Variants in APC2 observed in about 807,000 individuals in gnomAD.
APC2 encodes the protein APC regulator of Wnt signaling pathway 2.
APC2 carries 41 observed loss-of-function variants against 72.5 expected under a neutral mutation model. That is an observed-to-expected ratio of 0.57 (90% CI 0.44 to 0.73). The LOEUF (loss-of-function observed/expected upper bound fraction) is 0.73, where lower values mean the gene tolerates loss of function less well. Ranked by LOEUF, APC2 falls within the 30% of genes least tolerant of loss-of-function variation. APC2 has a pLI of 0.00. For missense variants in APC2, 3,729 were observed against 3,403.4 expected (o/e 1.10, Z -2.38); for synonymous variants, 1,898 against 1,612.0 (o/e 1.18, Z -4.25).
chr19:1,460,417 G>A, intron 11 of APC2, 97 bp downstream of exon 11: 1 of 1,554,076 alleles, frequency 6.4e-7, no homozygotes, highest in Non-Finnish European at 8.8e-7. Context: ...ACAGCCCTGA[G>A]AGCTGGGGCC....
chr19:1,461,400 C>T (rs2083920108), intron 13 of APC2: 1 of 556,760 alleles, frequency 1.8e-6, no homozygotes, highest in East Asian at 3.1e-5. Context: ...CATGGTCAGA[C>T]CCCATCTCTA....
chr19:1,466,663 C>T lies in APC2; in HGVS notation c.3362C>T (p.Ser1121Leu), dbSNP rs1335942683. The change falls in exon 15 of 15, where the codon TCG becomes TTG. Residue 1121 changes from serine (S) to leucine (L), a missense_variant. Physicochemically the swap from Ser to Leu is moderately radical, Grantham distance 145. Transcript: ENST00000590469. ...ACGTGGCGGGCGCCCGGGGCCACCT[C>T]GCTGCCCGTAGCCATTCCGGCTCCC... ...DSTWRAPGAT[S>L]LPVAIPAPRR... 6 of 1,497,478 alleles carry T rather than the reference C, an allele frequency of 4.0e-6. No individual in the cohort carries two copies. Among genetic ancestry groups the T allele is most frequent in the Admixed American group, 2.1e-5 (1 of 48,054 alleles). The allele number at this position is 1,497,478 out of a possible 1,614,324, so 92.8% of individuals were successfully genotyped here. A position where few individuals can be genotyped will look rare whatever the true frequency, so the allele number is the denominator to read the frequency against.
chr19:1,461,290 C>T (rs1217632620), intron 13 of APC2, 137 bp downstream of exon 13: 9 of 745,128 alleles, frequency 1.2e-5, no homozygotes, highest in South Asian at 6.5e-5. Flanking sequence ...AGCCTCAGAC[C>T]GGCTGGGGCT....
In APC2 at chr19:1,467,984, C is replaced by A. The variant is rs931804709; in HGVS notation, c.4683C>A (p.Pro1561=). Residue 1561 remains proline, a synonymous_variant, in exon 15 of 15, where the codon CCC becomes CCA. Coordinates refer to ENST00000590469, the MANE Select transcript of APC2 (RefSeq NM_005883.3). The part of the protein sequence containing the change: ...PSKAAPAAPP[P]ARTQPSLIAD... ...AGGCTGCACCAGCTGCCCCGCCGCC[C>A]GCCCGGACCCAGCCCAGCCTCATTG... The A allele has an allele frequency of 1.9e-6, 3 of 1,580,590 alleles. No homozygotes were observed. The highest frequency in any genetic ancestry group is 2.6e-6 in the Non-Finnish European group (3 of 1,172,650).
Position 1,469,594 on chromosome 19 carries a change from G to A in APC2, c.6293G>A (p.Arg2098His). ...APAARPETVKRYASLPHISVA... is the reference protein window; with the variant it reads ...APAARPETVKHYASLPHISVA... ...GCCGCCCGGCCGGAGACTGTCAAGC[G>A]CTACGCGTCGCTGCCGCACATCAGC... The change falls in exon 15 of 15, where the codon CGC (arginine) becomes CAC (histidine). Residue 2098 changes from arginine (R) to histidine (H), a missense_variant. Physicochemically the swap from Arg to His is conservative, Grantham distance 29. Transcript: ENST00000590469. The A allele has an allele frequency of 1.6e-6, 2 of 1,257,334 alleles. No individual in the cohort carries two copies. The highest frequency in any genetic ancestry group is 3.8e-5 in the South Asian group (2 of 52,980). 77.9% of individuals were successfully genotyped at this position (1,257,334 alleles called of 1,614,324 possible). A position where few individuals can be genotyped will look rare whatever the true frequency, so the allele number is the denominator to read the frequency against.
chr19:1,455,189 A>C lies in APC2; in HGVS notation c.454A>C (p.Lys152Gln). Residue 152 changes from lysine (K) to glutamine (Q), a missense_variant, in exon 5 of 15, where the codon AAG becomes CAG. Lys to Gln is a moderately conservative substitution (Grantham distance 53, BLOSUM62 1). Coordinates refer to ENST00000590469, the MANE Select transcript of APC2 (RefSeq NM_005883.3). ...TGAGATTGAGAAGGAGGAGAAGGAGAAGCTCTGGTACTACTCTCAGCTGCA... is the reference window on the plus strand; with the variant it reads ...TGAGATTGAGAAGGAGGAGAAGGAGCAGCTCTGGTACTACTCTCAGCTGCA... ...LNEIEKEEKE[K>Q]LWYYSQLQGL... 1 of 1,578,460 alleles carries C rather than the reference A, an allele frequency of 6.3e-7. No homozygotes were observed. Among genetic ancestry groups the C allele is most frequent in the Non-Finnish European group, 8.5e-7 (1 of 1,170,694 alleles).
At chr19:1,457,922 T>G in intron 9 of APC2, 43 bp from the exon 10 acceptor site, 1 of 1,457,506 alleles carries the variant, frequency 6.9e-7, no homozygotes, top group South Asian at 1.2e-5. Flanking sequence ...ACCTGGGACA[T>G]TTCCTGGGAA....
At position 1,456,352 on chromosome 19, in the gene APC2, C is replaced by T; in HGVS notation, c.764C>T (p.Thr255Ile). ...GTGCCGGTGGACGAGGACCCCGAGA[C>T]AGAGGTCCCCACACACCCTGAGGAT... is the stretch of plus-strand genomic sequence containing the variant. ...KSVPVDEDPE[T>I]EVPTHPEDGT... The change falls in exon 8 of 15, where the codon ACA (threonine) becomes ATA (isoleucine). Residue 255 changes from threonine (T) to isoleucine (I), a missense_variant. Physicochemically the swap from Thr to Ile is moderately conservative, Grantham distance 89. Transcript: ENST00000590469. The T allele has an allele frequency of 6.2e-7, 1 of 1,609,446 alleles. No homozygotes were observed. The highest frequency in any genetic ancestry group is 8.5e-7 in the Non-Finnish European group (1 of 1,178,766).
rs891816905 is a variant in APC2 at position 1,466,006 on chromosome 19, G to A, written c.2705G>A (p.Arg902Gln). The A allele has an allele frequency of 2.5e-5, 38 of 1,501,470 alleles. No individual in the cohort carries two copies. The highest frequency in any genetic ancestry group is 3.3e-5 in the Non-Finnish European group (37 of 1,135,018). The allele number at this position is 1,501,470 out of a possible 1,614,324, so 93.0% of individuals were successfully genotyped here. A position where few individuals can be genotyped will look rare whatever the true frequency, so the allele number is the denominator to read the frequency against. ...CSPCRGPEGG[R>Q]REAGSRAHPL... ...CCATGCCGCGGCCCGGAGGGCGGGC[G>A]GCGAGAGGCAGGAAGCCGGGCGCAC... Residue 902 changes from arginine to glutamine, a missense_variant, in exon 15 of 15, where the codon CGG becomes CAG. Physicochemically the swap from Arg to Gln is conservative, Grantham distance 43. Transcript: ENST00000590469.
intron 14 of APC2, among the ~76,000 whole-genome samples, chr19:1,463,026 AG>A (rs1411425049): frequency 1.3e-5 from 2 of 151,804 alleles, no homozygotes; most frequent in Non-Finnish European, 2.9e-5. Flanking sequence ...CTGGAATCCC[AG>A]CACTTTGGGA....
rs1197600974 is a variant in APC2 at position 1,469,508 on chromosome 19, C to G, written c.6207C>G (p.Gly2069=). ...CCCCCGCGGCCCGACCCAGCCCTGG[C>G]GAGCGCCCTGCCCGGCGCACCACCT... The part of the protein sequence containing the change: ...QRPPAARPSP[G]ERPARRTTSE... The change falls in exon 15 of 15, where the codon GGC becomes GGG. Residue 2069 remains glycine, a synonymous_variant. Coordinates refer to ENST00000590469, the MANE Select transcript of APC2 (RefSeq NM_005883.3). The G allele has an allele frequency of 1.6e-4, 184 of 1,136,156 alleles. No individual in the cohort carries two copies. The highest frequency in any genetic ancestry group is 1.9e-4 in the Non-Finnish European group (178 of 924,372). 70.4% of individuals were successfully genotyped at this position (1,136,156 alleles called of 1,614,324 possible).
rs148977773 is a variant in APC2 at position 1,452,863 on chromosome 19, A to AC, written c.-18-113dup. 16,249 of 1,229,802 alleles carry AC rather than the reference A, an allele frequency of 0.013. 1,364 individuals carry two copies. In the African/African-American group the frequency reaches 0.21, roughly 16 times the overall value. The allele number at this position is 1,229,802 out of a possible 1,614,324, so 76.2% of individuals were successfully genotyped here. The stretch of plus-strand genomic sequence containing the variant: ...TCCACACCAGTGACTCCTGCCTGAG[A>AC]CCCCCCCCAACCCAGGATCAGGCAG... On this transcript the variant is annotated intron_variant, in intron 1 of 14. Transcript: ENST00000590469. This position sits in a 1 kb window ranked among gnomAD's most constrained non-coding sequence, Gnocchi z 5.1.
Position 1,467,080 on chromosome 19 carries a change from G to A in APC2, c.3779G>A (p.Ser1260Asn). 1 of 1,610,930 alleles carries A rather than the reference G, an allele frequency of 6.2e-7. No individual in the cohort carries two copies. The highest frequency in any genetic ancestry group is 8.5e-7 in the Non-Finnish European group (1 of 1,179,272). Residue 1260 changes from serine (S) to asparagine (N), a missense_variant, in exon 15 of 15, where the codon AGC becomes AAC. Ser to Asn is a conservative substitution (Grantham distance 46). Transcript: ENST00000590469. ...CRLPSELDAG[S>N]VRFTVEKPDE... The stretch of plus-strand genomic sequence containing the variant: ...CTGCCATCTGAGCTGGACGCAGGCA[G>A]CGTGCGCTTTACCGTGGAGAAGCCA...
chr19:1,463,169 C>T (rs1012530459), intron 14 of APC2, among the ~76,000 whole-genome samples: 13 of 151,294 alleles, frequency 8.6e-5, no homozygotes, highest in African/African-American at 3.2e-4. Context: ...CACCTGTAAT[C>T]CCACTTTGGG....
In APC2 at chr19:1,456,873, G is replaced by T; in HGVS notation, c.837G>T (p.Leu279=). 1 of 1,595,494 alleles carries T rather than the reference G, an allele frequency of 6.3e-7. No individual in the cohort carries two copies. The highest frequency in any genetic ancestry group is 8.5e-7 in the Non-Finnish European group (1 of 1,176,662). ...CCCAGGTGGAGGTGGTCTTCTGGCT[G>T]TTGTCCATGTTGGCGACGCGCGACC... The part of the protein sequence containing the change: ...GNSKVEVVFW[L]LSMLATRDQE... Residue 279 remains leucine (L), a synonymous_variant, in exon 9 of 15, where the codon CTG becomes CTT. Coordinates refer to ENST00000590469, the MANE Select transcript of APC2 (RefSeq NM_005883.3).
rs2083728283 is a variant in APC2, at chr19:1,450,305, C to T, written c.-52C>T. 2 of 985,526 alleles carry T rather than the reference C, an allele frequency of 2.0e-6. No individual in the cohort carries two copies. Among genetic ancestry groups the T allele is most frequent in the African/African-American group, 3.5e-5 (2 of 57,378 alleles). The allele number at this position is 985,526 out of a possible 1,614,324, so 61.0% of individuals were successfully genotyped here. A position where few individuals can be genotyped will look rare whatever the true frequency, so the allele number is the denominator to read the frequency against. On this transcript the variant is annotated 5_prime_UTR_variant, in exon 1 of 15. Transcript: ENST00000590469. The stretch of plus-strand genomic sequence containing the variant: ...GCGCAGAGGGAGGAGGCCCCAGACC[C>T]AGGCGCCCCGCCAGCCCAGCTGCAC...
Position 1,450,568 on chromosome 19 carries a change from T to C in APC2, c.-19+230T>C, listed in dbSNP as rs562329005. On this transcript the variant is annotated intron_variant, in intron 1 of 14. Transcript: ENST00000590469. ...CACCATCCGGACCTCCCTGAGGTGATCGGAGGAAGGGATGGGCAGGCCAGT... is the reference window on the plus strand; with the variant it reads ...CACCATCCGGACCTCCCTGAGGTGACCGGAGGAAGGGATGGGCAGGCCAGT... Among the ~76,000 whole-genome samples the C allele has an allele frequency of 5.3e-5, 8 of 152,272 alleles. No homozygotes were observed. The South Asian group carries it at 6.2e-4, about 12-fold the overall frequency.
chr19:1,467,936 GA>G lies in APC2; in HGVS notation c.4637del (p.Lys1546ArgfsTer34). On this transcript the variant is annotated frameshift_variant, in exon 15 of 15. Coordinates refer to ENST00000590469, the MANE Select transcript of APC2 (RefSeq NM_005883.3). LOFTEE classifies it low-confidence loss of function (END_TRUNC). The stretch of plus-strand genomic sequence containing the variant: ...TTACGCGGGAGCGTCCGCAGGGCCG[GA>G]AGGAGGCCCCTGCCCCGTCCAAGGC... ...AFTRERPQGRKEAPAPSKAAP... is the reference protein window; with the variant it reads ...AFTRERPQGRXEAPAPSKAAP... 6.3e-7 allele frequency: 1 copy of G among 1,586,422 alleles called. No homozygotes were observed. The highest frequency in any genetic ancestry group is 1.7e-5 in the Admixed American group (1 of 59,302).
At position 1,453,510 on chromosome 19, in the gene APC2, C is replaced by T; in HGVS notation, c.312C>T (p.Thr104=). The change falls in exon 4 of 15, where the codon ACC becomes ACT. Residue 104 remains threonine (T), a synonymous_variant. Coordinates refer to ENST00000590469, the MANE Select transcript of APC2 (RefSeq NM_005883.3). The part of the protein sequence containing the change: ...PTLGPEPAAR[T]PEGSPVHGSG... ...TGGGCCCGGAGCCTGCCGCCCGGAC[C>T]CCCGAGGGCAGCCCAGTACACGGCT... is the stretch of plus-strand genomic sequence containing the variant. 1.9e-6 allele frequency: 3 copies of T among 1,608,328 alleles called. No individual in the cohort carries two copies. Among genetic ancestry groups the T allele is most frequent in the Non-Finnish European group, 2.5e-6 (3 of 1,176,902 alleles).
Sources: gnomAD v4.1 joint callset for allele counts (sites outside exome capture counted in the v4.1 genomes callset) on GRCh38, gnomAD v4.1.1 for gene constraint, Gnocchi (gnomAD v3.1) non-coding constraint, MANE v1.5 for transcripts, NCBI Gene and HGNC (gene_info 2026-07-23, HGNC 2026-07-21) for gene names.